The following EPHA6 variants were observed in gnomAD, a reference collection of about 807,000 sequenced individuals.
EPHA6 encodes EPH receptor A6.
Under a neutral mutation model 112.0 loss-of-function variants are expected in EPHA6, and 50 were observed. The ratio of observed to expected loss-of-function variants is 0.45; its 90% CI spans 0.36 to 0.56. The LOEUF (loss-of-function observed/expected upper bound fraction) is 0.56, where lower values mean the gene tolerates loss of function less well. EPHA6 is among the 20% of genes least tolerant of loss of function. The pLI is 0.00. For synonymous variants in EPHA6, 529 were observed against 490.7 expected, an observed-to-expected ratio of 1.08 and a Z score of -1.03; for missense variants, 1,280 against 1,417.4, an observed-to-expected ratio of 0.90 and a Z score of 1.56.
intron 13 of EPHA6, among the ~76,000 whole-genome samples, chr3:97,618,612 G>A (rs964122876): frequency 6.6e-6 from 1 of 151,696 alleles, no homozygotes; most frequent in Admixed American, 6.6e-5. Context: ...TACAAGCAAC[G>A]ATCAGAGAAT....
At chr3:97,093,545 G>A (rs1406940612) in intron 3 of EPHA6, among the ~76,000 whole-genome samples, 5 of 151,578 alleles carry the variant, frequency 3.3e-5, no homozygotes, top group African/African-American at 4.9e-5. Flanking sequence ...GGAAGACTCC[G>A]TCTCAAAAAA....
chr3:97,727,346 T>G (rs564873964), intron 15 of EPHA6, among the ~76,000 whole-genome samples: 7 of 152,224 alleles, frequency 4.6e-5, no homozygotes, highest in South Asian at 2.1e-4. Context: ...AAACTTTTGA[T>G]CTTAGCTGAA....
intron 10 of EPHA6, among the ~76,000 whole-genome samples, chr3:97,494,025 A>C (rs1414538493): frequency 6.6e-6 from 1 of 152,246 alleles, no homozygotes; most frequent in African/African-American, 2.4e-5. Flanking sequence ...GCTAAAAATC[A>C]AACTGTTCAA....
intron 1 of EPHA6, among the ~76,000 whole-genome samples, chr3:96,834,962 T>A (rs1447858117): frequency 6.6e-6 from 1 of 152,068 alleles, no homozygotes; most frequent in Non-Finnish European, 1.5e-5. Context: ...TTAATCAAAT[T>A]ATTACCATGT....
intron 2 of EPHA6, among the ~76,000 whole-genome samples, chr3:96,872,676 T>C (rs1195434903): frequency 6.6e-6 from 1 of 152,128 alleles, no homozygotes; most frequent in Non-Finnish European, 1.5e-5. Flanking sequence ...GCTTGCATGG[T>C]TTCTGAGGAT....
chr3:97,025,649 C>G (rs143391468), intron 3 of EPHA6, among the ~76,000 whole-genome samples: 2 of 152,072 alleles, frequency 1.3e-5, no homozygotes, highest in South Asian at 2.1e-4. Context: ...TGTGCAGTGG[C>G]GCGATCTCCG....
At chr3:97,655,151 T>C (rs1003256317) in intron 14 of EPHA6, among the ~76,000 whole-genome samples, 1 of 149,126 alleles carries the variant, frequency 6.7e-6, no homozygotes, top group Non-Finnish European at 1.5e-5. Flanking sequence ...CATATATATG[T>C]TTTTTGTGTA....
At chr3:97,167,587 A>G (rs1260268922) in intron 3 of EPHA6, among the ~76,000 whole-genome samples, 2 of 152,140 alleles carry the variant, frequency 1.3e-5, no homozygotes, top group African/African-American at 4.8e-5. Flanking sequence ...CAAAACCCTG[A>G]GTATTAATAA....
intron 5 of EPHA6, among the ~76,000 whole-genome samples, chr3:97,372,203 G>T (rs911595328): frequency 3.9e-5 from 6 of 152,038 alleles, no homozygotes; most frequent in African/African-American, 1.4e-4. Context: ...CTGCCAACAT[G>T]TGATGTCTCC....
At chr3:96,843,600 T>G (rs916423756) in intron 1 of EPHA6, among the ~76,000 whole-genome samples, 4 of 152,004 alleles carry the variant, frequency 2.6e-5, no homozygotes, top group Non-Finnish European at 5.9e-5. Flanking sequence ...GCCTGCAGAA[T>G]TCGTTTTCCT....
intron 15 of EPHA6, among the ~76,000 whole-genome samples, chr3:97,723,285 T>G (rs1378000288): frequency 6.6e-6 from 1 of 152,170 alleles, no homozygotes; most frequent in African/African-American, 2.4e-5. Flanking sequence ...ATGTAAATTG[T>G]TCTTAATAAT....
chr3:96,827,522 G>A (rs1394996347), intron 1 of EPHA6, among the ~76,000 whole-genome samples: 2 of 152,052 alleles, frequency 1.3e-5, no homozygotes, highest in African/African-American at 2.4e-5. Context: ...TGTTATGATG[G>A]CAAGTATTTC....
chr3:97,690,002 A>G (rs1157346116), intron 14 of EPHA6, among the ~76,000 whole-genome samples: 11 of 152,218 alleles, frequency 7.2e-5, no homozygotes, highest in Non-Finnish European at 2.9e-5. Flanking sequence ...CATTGTATGA[A>G]TATACCACAT....
chr3:97,362,721 C>CA (rs2084442352), intron 5 of EPHA6, among the ~76,000 whole-genome samples: 1 of 151,882 alleles, frequency 6.6e-6, no homozygotes. Context: ...AGCATTTACA[C>CA]ATTAATTAAC....
At position 96,994,709 on chromosome 3, in the gene EPHA6, G is replaced by GTGTATATATA. The variant is rs1363786371; in HGVS notation, c.1114+6717_1114+6718insGTATATATAT. Among the ~76,000 whole-genome samples, 116 of 98,392 alleles carry GTGTATATATA rather than the reference G, an allele frequency of 1.2e-3. 1 individual carries two copies. The highest frequency in any genetic ancestry group is 5.6e-3 in the Middle Eastern group (1 of 180). 64.5% of individuals were successfully genotyped at this position (98,392 alleles called of 152,430 possible). A position where few individuals can be genotyped will look rare whatever the true frequency, so the allele number is the denominator to read the frequency against. On this transcript the variant is annotated intron_variant, in intron 3 of 17. Coordinates refer to ENST00000389672, the MANE Select transcript of EPHA6 (RefSeq NM_001080448.3). ...TGTGTGTGTATGTGTGTGTGTGTGTGTATATATATATATATATATATATAG... is the reference window on the plus strand; with the variant it reads ...TGTGTGTGTATGTGTGTGTGTGTGTGTGTATATATATATATATATATATATATATATATAG...
chr3:97,159,774 C>G (rs1316521232), intron 3 of EPHA6, among the ~76,000 whole-genome samples: 1 of 152,148 alleles, frequency 6.6e-6, no homozygotes, highest in Non-Finnish European at 1.5e-5. Flanking sequence ...AGTTTTTGGT[C>G]AGAAGCAATG....
intron 11 of EPHA6, among the ~76,000 whole-genome samples, chr3:97,533,962 C>T (rs1182284367): frequency 6.6e-6 from 1 of 152,090 alleles, no homozygotes; most frequent in African/African-American, 2.4e-5. Context: ...CACCTCCATC[C>T]CATCAACCCA....
At chr3:97,223,521 A>T (rs938201573) in intron 3 of EPHA6, among the ~76,000 whole-genome samples, 1 of 152,196 alleles carries the variant, frequency 6.6e-6, no homozygotes, top group Admixed American at 6.5e-5. Flanking sequence ...AAGTATCTGA[A>T]GGAACAAAAG....
intron 13 of EPHA6, among the ~76,000 whole-genome samples, chr3:97,621,804 A>G (rs962287529): frequency 6.6e-6 from 1 of 151,926 alleles, no homozygotes; most frequent in African/African-American, 2.4e-5. Context: ...AGAAACATCT[A>G]TAGGATTTAG....
Sources: allele counts gnomAD v4.1 joint callset (sites outside exome capture counted in the v4.1 genomes callset), GRCh38; gene constraint gnomAD v4.1.1; transcripts MANE v1.5; gene names NCBI Gene and HGNC (gene_info 2026-07-23, HGNC 2026-07-21).